Variants in PTPRG observed in about 807,000 individuals in gnomAD.
PTPRG encodes receptor-type tyrosine-protein phosphatase gamma.
Under a neutral mutation model 165.3 loss-of-function variants are expected in PTPRG, and 102 were observed. The observed-to-expected ratio is 0.62, with a 90% CI of 0.53 to 0.73. The LOEUF is 0.73. Among genes scored for constraint, PTPRG ranks in the 30% least tolerant of loss-of-function variants. The pLI is 0.00. For missense variants in PTPRG, 1,866 were observed against 1,861.4 expected, an observed-to-expected ratio of 1.00 and a Z score of -0.05; for synonymous variants, 675 against 669.5, an observed-to-expected ratio of 1.01 and a Z score of -0.13.
chr3:61,666,566 A>G (rs1878932), intron 1 of PTPRG, among the ~76,000 whole-genome samples: 148,246 of 152,260 alleles, frequency 0.97, 72,250 homozygotes, highest in Non-Finnish European at 1. Flanking sequence ...TTGTGATGAA[A>G]GTGAAATGAG....
At chr3:62,146,631 T>TAAAA (rs3073630) in intron 6 of PTPRG, among the ~76,000 whole-genome samples, 31 of 146,250 alleles carry the variant, frequency 2.1e-4, no homozygotes, top group African/African-American at 5.0e-4. Context: ...CTGTTGCTTT[T>TAAAA]AAAAAAAAAA....
intron 2 of PTPRG, among the ~76,000 whole-genome samples, chr3:61,937,255 C>A (rs1283923362): frequency 1.3e-5 from 2 of 152,202 alleles, no homozygotes; most frequent in Admixed American, 1.3e-4. Flanking sequence ...AATATGCCCA[C>A]CAGATTTGGC....
intron 2 of PTPRG, among the ~76,000 whole-genome samples, chr3:61,857,300 C>G (rs1352785037): frequency 6.6e-6 from 1 of 152,128 alleles, no homozygotes; most frequent in Non-Finnish European, 1.5e-5. Flanking sequence ...AGACTTGAAC[C>G]CACCTCTTGT....
At chr3:62,019,480 G>A (rs2030134461) in intron 4 of PTPRG, among the ~76,000 whole-genome samples, 1 of 127,030 alleles carries the variant, frequency 7.9e-6, no homozygotes. Flanking sequence ...CTGAGATTGT[G>A]CCACTGTACT....
intron 2 of PTPRG, among the ~76,000 whole-genome samples, chr3:61,929,330 T>C (rs999989622): frequency 1.3e-4 from 20 of 148,462 alleles, no homozygotes; most frequent in African/African-American, 4.2e-4. Context: ...TGAAGAATTA[T>C]GTTTAAATTT....
At chr3:61,746,587 C>A (rs546919831) in intron 1 of PTPRG, among the ~76,000 whole-genome samples, 1 of 152,050 alleles carries the variant, frequency 6.6e-6, no homozygotes, top group Admixed American at 6.5e-5. Context: ...TCCTCAACCA[C>A]CCCCCGAGGC....
At chr3:61,663,599 A>AT (rs1303204914) in intron 1 of PTPRG, among the ~76,000 whole-genome samples, 2 of 152,026 alleles carry the variant, frequency 1.3e-5, no homozygotes, top group Non-Finnish European at 2.9e-5. Context: ...CATTACATTT[A>AT]TTATGCGCTA....
At position 61,893,700 on chromosome 3, in the gene PTPRG, G is replaced by C. The variant is rs573944905; in HGVS notation, c.191-95925G>C. Among the ~76,000 whole-genome samples, 6 of 152,348 alleles carry C rather than the reference G, an allele frequency of 3.9e-5. No individual in the cohort carries two copies. The East Asian group carries it at 9.6e-4, about 24-fold the overall frequency. ...ATTATTAAGGGCAGGAGCTACGTCT[G>C]TGTGTTCACCATTTTATCATCAGGC... On this transcript the variant is annotated intron_variant, in intron 2 of 29. Transcript: ENST00000474889.
At position 62,276,992 on chromosome 3, in the gene PTPRG, C is replaced by G. The variant is rs1454290562; in HGVS notation, c.3580C>G (p.Leu1194Val). 1 of 1,613,120 alleles carries G rather than the reference C, an allele frequency of 6.2e-7. No individual in the cohort carries two copies. The highest frequency in any genetic ancestry group is 1.7e-5 in the Admixed American group (1 of 59,944). Residue 1194 changes from leucine to valine, a missense_variant, in exon 25 of 30, where the codon CTT (leucine) becomes GTT (valine). Transcript: ENST00000474889. Reference sequence around the variant, plus strand: ...GATAGCTGAGCGTGCTCGAGTGGGTCTTGCACCATTGCCTGGAATGAAAGG... The same window carrying G: ...GATAGCTGAGCGTGCTCGAGTGGGTGTTGCACCATTGCCTGGAATGAAAGG... ...VVPSERARVG[L>V]APLPGMKGTD... is the part of the protein sequence containing the mutation.
At chr3:61,859,700 G>C (rs1053659447) in intron 2 of PTPRG, among the ~76,000 whole-genome samples, 1 of 151,528 alleles carries the variant, frequency 6.6e-6, no homozygotes, top group Admixed American at 6.6e-5. Flanking sequence ...CCCCCATATT[G>C]AACTGCTGGA....
At chr3:61,634,847 G>A (rs1331612642) in intron 1 of PTPRG, among the ~76,000 whole-genome samples, 2 of 152,202 alleles carry the variant, frequency 1.3e-5, no homozygotes, top group East Asian at 3.9e-4. Flanking sequence ...CTGATATGCT[G>A]TGTTTGTTTT....
chr3:62,193,965 T>G (rs1699900029), intron 9 of PTPRG, among the ~76,000 whole-genome samples: 1 of 152,226 alleles, frequency 6.6e-6, no homozygotes, highest in South Asian at 2.1e-4. Flanking sequence ...TTAGGTAGTT[T>G]CCATTTTCTC....
At chr3:62,057,044 C>T (rs975367113) in intron 4 of PTPRG, among the ~76,000 whole-genome samples, 2 of 152,194 alleles carry the variant, frequency 1.3e-5, no homozygotes, top group Non-Finnish European at 2.9e-5. Flanking sequence ...AAAGCTCTTT[C>T]ATCTAAACAA....
At chr3:62,262,954 A>G (rs1701745061) in intron 17 of PTPRG, 60 bp downstream of exon 17, 13 of 1,306,246 alleles carry the variant, frequency 1.0e-5, no homozygotes, top group Non-Finnish European at 1.3e-5. Context: ...CATGCTGGGT[A>G]TAAGCTGAAA....
chr3:62,066,462 C>T (rs1032064588), intron 4 of PTPRG, among the ~76,000 whole-genome samples: 1 of 152,170 alleles, frequency 6.6e-6, no homozygotes, highest in Non-Finnish European at 1.5e-5. Flanking sequence ...AATCATGTGG[C>T]TGTTACTCCC....
At chr3:62,211,807 T>G (rs1700364370) in intron 12 of PTPRG, among the ~76,000 whole-genome samples, 1 of 152,162 alleles carries the variant, frequency 6.6e-6, no homozygotes, top group Admixed American at 6.5e-5. Flanking sequence ...GCATTTCAGA[T>G]GGGTCCATCT....
chr3:61,726,675 T>C (rs1017596048), intron 1 of PTPRG, among the ~76,000 whole-genome samples: 1 of 152,236 alleles, frequency 6.6e-6, no homozygotes, highest in African/African-American at 2.4e-5. Flanking sequence ...TATTATTGTA[T>C]TTTTGCATCC....
intron 1 of PTPRG, among the ~76,000 whole-genome samples, chr3:61,733,754 C>G (rs2032609923): frequency 6.6e-6 from 1 of 152,164 alleles, no homozygotes; most frequent in Admixed American, 6.5e-5. Context: ...TTTCCCTGTT[C>G]CTTCTACTGT....
At chr3:61,866,258 CTTCCCTT>C (rs2037404700) in intron 2 of PTPRG, among the ~76,000 whole-genome samples, 1 of 152,202 alleles carries the variant, frequency 6.6e-6, no homozygotes, top group South Asian at 2.1e-4. Flanking sequence ...AATACCTGCA[CTTCCCTT>C]TTCCCATCCT....
Sources: allele counts gnomAD v4.1 joint callset (sites outside exome capture counted in the v4.1 genomes callset), GRCh38; gene constraint gnomAD v4.1.1; transcripts MANE v1.5; gene names NCBI Gene and HGNC (gene_info 2026-07-23, HGNC 2026-07-21).